Variants in TRRAP observed in about 807,000 individuals in gnomAD.
The protein encoded by TRRAP is transformation/transcription domain-associated protein.
In TRRAP, 41 loss-of-function variants were observed where a neutral mutation model predicts 438.8. The ratio of observed to expected loss-of-function variants is 0.09; its 90% CI spans 0.07 to 0.12. The LOEUF is 0.12. TRRAP is among the 10% of genes least tolerant of loss of function. The pLI is 1.00. For missense variants in TRRAP, 3,122 were observed against 5,055.1 expected (o/e 0.62, Z 11.60); for synonymous variants, 1,994 against 1,962.9 (o/e 1.02, Z -0.42).
At position 98,949,527 on chromosome 7, in the gene TRRAP, C is replaced by A. The variant is rs781880505; in HGVS notation, c.4899C>A (p.Pro1633=). 1 of 1,605,800 alleles carries A rather than the reference C, an allele frequency of 6.2e-7. No individual in the cohort carries two copies. Among genetic ancestry groups the A allele is most frequent in the Non-Finnish European group, 8.5e-7 (1 of 1,176,726 alleles). The change falls in exon 36 of 73, where the codon CCC becomes CCA. Residue 1633 remains proline (P), a synonymous_variant. Transcript: ENST00000456197. ...LPGGAQTAVR[P]GSPSTSTMRL... is the part of the protein sequence containing the mutation. The stretch of plus-strand genomic sequence containing the variant: ...GGGGTGCCCAGACGGCTGTGCGCCC[C>A]GGTTCGCCCAGCACCAGCACCATGC...
At chr7:98,951,319 G>A (rs191834754) in intron 39 of TRRAP, among the ~76,000 whole-genome samples, 274 of 152,196 alleles carry the variant, frequency 1.8e-3, no homozygotes, top group Middle Eastern at 6.8e-3. Context: ...CCCTGTTGCC[G>A]GTCAGCAGAG....
Position 98,985,051 on chromosome 7 carries a change from A to T in TRRAP, c.9389+7A>T. 6.3e-7 allele frequency: 1 copy of T among 1,578,966 alleles called. No individual in the cohort carries two copies. The highest frequency in any genetic ancestry group is 8.7e-7 in the Non-Finnish European group (1 of 1,153,708). The stretch of plus-strand genomic sequence containing the variant: ...TCTTGGCTCAGATCAACAAGTATGT[A>T]TGTTATATTGAAAGGATAAGAGAAA... On this transcript the variant is annotated splice_region_variant and intron_variant, in intron 62 of 72. Transcript: ENST00000456197.
chr7:98,963,845 C>A (rs1386621641), intron 47 of TRRAP, among the ~76,000 whole-genome samples: 1 of 152,158 alleles, frequency 6.6e-6, no homozygotes, highest in African/African-American at 2.4e-5. Flanking sequence ...CTTTGGGAGG[C>A]TGAGGCAGGC....
At chr7:98,883,528 A>G (rs1291671542) in intron 3 of TRRAP, among the ~76,000 whole-genome samples, 2 of 152,082 alleles carry the variant, frequency 1.3e-5, no homozygotes, top group Non-Finnish European at 2.9e-5. Context: ...AGTAATTTAT[A>G]TATTTGGAGA....
At chr7:98,961,858 T>A (rs187546445) in intron 46 of TRRAP, among the ~76,000 whole-genome samples, 1 of 152,256 alleles carries the variant, frequency 6.6e-6, no homozygotes, top group East Asian at 1.9e-4. Flanking sequence ...GGCCAGAGGT[T>A]GCGGTGAGCC....
At chr7:98,899,795 C>T in intron 10 of TRRAP, 28 bp downstream of exon 10, 1 of 1,608,068 alleles carries the variant, frequency 6.2e-7, no homozygotes, top group Non-Finnish European at 8.5e-7. Context: ...CCGGCTGCCA[C>T]AGTGCCTGGA....
At chr7:98,973,720 C>T (rs557576605) in intron 53 of TRRAP, among the ~76,000 whole-genome samples, 48 of 152,262 alleles carry the variant, frequency 3.2e-4, no homozygotes, top group Non-Finnish European at 6.3e-4. Context: ...TTGCTCAGGC[C>T]GGAGCTGCAG....
rs182940622 is a variant in TRRAP, at chr7:99,011,838, C to T, written c.11338-233C>T. Among the ~76,000 whole-genome samples, 30 of 152,362 alleles carry T rather than the reference C, an allele frequency of 2.0e-4. No individual in the cohort carries two copies. Among genetic ancestry groups the T allele is most frequent in the African/African-American group, 4.8e-4 (20 of 41,588 alleles). On this transcript the variant is annotated intron_variant, in intron 72 of 72. Transcript: ENST00000456197. This position sits in a 1 kb window ranked among gnomAD's most constrained non-coding sequence, Gnocchi z 7.1. Reference sequence around the variant, plus strand: ...TGGCTGCCTTTGTCATCTAGGTCCGCGCTGCCCAACACTGAGGCCTTCTGG... The same window carrying T: ...TGGCTGCCTTTGTCATCTAGGTCCGTGCTGCCCAACACTGAGGCCTTCTGG...
intron 59 of TRRAP, 90 bp from the exon 60 acceptor site, chr7:98,983,174 A>G (rs1268390022): frequency 4.8e-6 from 6 of 1,242,354 alleles, no homozygotes; most frequent in Non-Finnish European, 5.5e-6. Flanking sequence ...GATCTTTGCG[A>G]TAATCATGTC....
Position 98,911,067 on chromosome 7 carries a change from C to T in TRRAP, c.1813-10C>T. The stretch of plus-strand genomic sequence containing the variant: ...TAATGCCTGTGGGCGGCTTTTTTCC[C>T]CTGTATTAGGTCCAGATAGCAGGAA... On this transcript the variant is annotated splice_polypyrimidine_tract_variant and intron_variant, in intron 16 of 72. Transcript: ENST00000456197. 6.2e-7 allele frequency: 1 copy of T among 1,608,280 alleles called. No homozygotes were observed. The highest frequency in any genetic ancestry group is 1.1e-5 in the South Asian group (1 of 89,960).
chr7:98,962,522 G>T lies in TRRAP; in HGVS notation c.6829+95G>T, dbSNP rs181458972. 2,034 of 1,593,188 alleles carry T rather than the reference G, an allele frequency of 1.3e-3. 3 individuals carry two copies. Among genetic ancestry groups the T allele is most frequent in the Non-Finnish European group, 1.4e-3 (1,607 of 1,167,152 alleles). On this transcript the variant is annotated intron_variant, in intron 47 of 72. Transcript: ENST00000456197. ...TTCCCTTTGGGAAAGGGCTCCGGTTGTTGGGCAGAGCTTTGAGCCGCTGCG... is the reference window on the plus strand; with the variant it reads ...TTCCCTTTGGGAAAGGGCTCCGGTTTTTGGGCAGAGCTTTGAGCCGCTGCG...
intron 67 of TRRAP, chr7:98,999,195 A>G: frequency 6.8e-7 from 1 of 1,474,286 alleles, no homozygotes; most frequent in Non-Finnish European, 9.5e-7. Flanking sequence ...AGTCCTTCAG[A>G]TAGGCTTTGC....
At chr7:98,945,359 G>A (rs1791001391) in intron 31 of TRRAP, among the ~76,000 whole-genome samples, 1 of 152,108 alleles carries the variant, frequency 6.6e-6, no homozygotes, top group African/African-American at 2.4e-5. Flanking sequence ...ACTGTAGCCG[G>A]GAAAGAGGTT....
In TRRAP at chr7:98,953,198, T is replaced by A; in HGVS notation, c.5495T>A (p.Leu1832Gln). The A allele has an allele frequency of 6.2e-7, 1 of 1,612,732 alleles. No individual in the cohort carries two copies. Among genetic ancestry groups the A allele is most frequent in the Non-Finnish European group, 8.5e-7 (1 of 1,179,860 alleles). Residue 1832 changes from leucine (L) to glutamine (Q), a missense_variant, in exon 40 of 73, where the codon CTG becomes CAG. Coordinates refer to ENST00000456197, the MANE Select transcript of TRRAP (RefSeq NM_001375524.1). ...GACCCCGAGAAGCAGGCGGACATGC[T>A]GGACTCGCTGCGGATCTACCTGCTG... ...VLDPEKQADM[L>Q]DSLRIYLLQY...
chr7:98,922,853 A>G (rs992174904), intron 21 of TRRAP, among the ~76,000 whole-genome samples: 4 of 151,978 alleles, frequency 2.6e-5, no homozygotes, highest in African/African-American at 9.7e-5. Context: ...CTGTTGCATC[A>G]TTGTGTAGTA....
chr7:98,937,546 T>C, intron 29 of TRRAP, 104 bp from the exon 30 acceptor site: 1 of 1,285,480 alleles, frequency 7.8e-7, no homozygotes. Context: ...TCCATCTTCC[T>C]AAAGGAGAAC....
chr7:98,889,080 G>A (rs559342219), intron 3 of TRRAP, among the ~76,000 whole-genome samples: 1 of 125,922 alleles, frequency 7.9e-6, no homozygotes, highest in South Asian at 2.4e-4. Flanking sequence ...ATGAGGTCTT[G>A]CTATATTGCC....
rs977406558 is a variant in TRRAP, at chr7:98,931,503, C to T, written c.3690C>T (p.Ile1230=). The T allele has an allele frequency of 1.2e-5, 19 of 1,613,986 alleles. No homozygotes were observed. The highest frequency in any genetic ancestry group is 1.6e-4 in the Middle Eastern group (1 of 6,084). The change falls in exon 26 of 73, where the codon ATC becomes ATT. Residue 1230 remains isoleucine, a synonymous_variant. Coordinates refer to ENST00000456197, the MANE Select transcript of TRRAP (RefSeq NM_001375524.1). ...PLKDEERAEE[I]VAAQEKSFHH... ...AAGACGAGGAGAGAGCCGAAGAGAT[C>T]GTGGCCGCCCAGGAAAAGTCTTTCC...
chr7:98,953,249 A>G lies in TRRAP; in HGVS notation c.5546A>G (p.His1849Arg). 4 of 1,613,416 alleles carry G rather than the reference A, an allele frequency of 2.5e-6. No individual in the cohort carries two copies. Among genetic ancestry groups the G allele is most frequent in the Non-Finnish European group, 3.4e-6 (4 of 1,179,942 alleles). Residue 1849 changes from histidine (H) to arginine (R), a missense_variant, in exon 40 of 73, where the codon CAC becomes CGC. Around this residue, in one of 24 missense-constraint regions of TRRAP, gnomAD observed 272 missense variants for 348.5 expected, o/e 0.78. Transcript: ENST00000456197. ...CAGTACGCCACGCTGCTGGTGGAGC[A>G]CGCCCCCCACCACATCCATGACAAC... ...LLQYATLLVEHAPHHIHDNNK... is the reference protein window; with the variant it reads ...LLQYATLLVERAPHHIHDNNK...
Sources: allele counts gnomAD v4.1 joint callset (sites outside exome capture counted in the v4.1 genomes callset), GRCh38; gene constraint gnomAD v4.1.1; regional missense constraint gnomAD v4.1.1; non-coding constraint Gnocchi (gnomAD v3.1); transcripts MANE v1.5; gene names NCBI Gene and HGNC (gene_info 2026-07-23, HGNC 2026-07-21).